Variants in PAAF1 observed in about 807,000 individuals in gnomAD.
The protein encoded by PAAF1 is proteasomal ATPase-associated factor 1.
A neutral mutation model predicts 52.8 loss-of-function variants in PAAF1; 46 were observed. The observed-to-expected ratio is 0.87, with a 90% confidence interval of 0.69 to 1.11. The LOEUF (loss-of-function observed/expected upper bound fraction) is 1.11. Among genes scored for constraint, PAAF1 ranks in the 50% most tolerant of loss-of-function variants. PAAF1 has a pLI of 0.00. For synonymous variants in PAAF1, 178 were observed against 172.8 expected (o/e 1.03, Z -0.24); for missense variants, 424 against 477.4 (o/e 0.89, Z 1.04).
chr11:73,883,788 T>C (rs1295291952), intron 2 of PAAF1, among the ~76,000 whole-genome samples: 1 of 152,220 alleles, frequency 6.6e-6, no homozygotes, highest in Non-Finnish European at 1.5e-5. Context: ...CCCAAAGTGC[T>C]GGGATTACAG....
chr11:73,899,865 G>C (rs142619497), intron 5 of PAAF1, among the ~76,000 whole-genome samples: 4 of 152,282 alleles, frequency 2.6e-5, no homozygotes, highest in African/African-American at 9.6e-5. Context: ...AGACAGAATA[G>C]CTTGGCTGTT....
At chr11:73,900,455 A>G (rs201243167) in intron 6 of PAAF1, 35 bp downstream of exon 6, 51 of 1,513,800 alleles carry the variant, frequency 3.4e-5, no homozygotes, top group Admixed American at 2.2e-4. Context: ...GGCTTCTCTA[A>G]TGATCCCCAG....
chr11:73,904,281 A>G (rs1949700672), intron 6 of PAAF1, among the ~76,000 whole-genome samples: 2 of 152,132 alleles, frequency 1.3e-5, no homozygotes. Flanking sequence ...TATGAGTTCA[A>G]TAAGTAATTC....
intron 10 of PAAF1, among the ~76,000 whole-genome samples, chr11:73,923,792 C>G (rs552796200): frequency 6.6e-6 from 1 of 152,204 alleles, no homozygotes; most frequent in African/African-American, 2.4e-5. Flanking sequence ...TCATTTGTTT[C>G]ATTTGTCCAT....
At chr11:73,882,998 C>A (rs1055952154) in intron 2 of PAAF1, among the ~76,000 whole-genome samples, 3 of 152,106 alleles carry the variant, frequency 2.0e-5, no homozygotes, top group African/African-American at 7.2e-5. Context: ...CTCCTGGGTT[C>A]AAGAGATCCT....
chr11:73,923,456 TA>T (rs1166701109), intron 10 of PAAF1, among the ~76,000 whole-genome samples: 4 of 152,146 alleles, frequency 2.6e-5, no homozygotes, highest in African/African-American at 7.2e-5. Flanking sequence ...AATGGTAGAT[TA>T]GGGGTGATTT....
intron 10 of PAAF1, 78 bp from the exon 11 acceptor site, chr11:73,924,537 A>T (rs567410031): frequency 8.3e-7 from 1 of 1,206,034 alleles, no homozygotes; most frequent in South Asian, 1.3e-5. Context: ...GATCTACAGA[A>T]GCAAATAAAA....
intron 5 of PAAF1, among the ~76,000 whole-genome samples, chr11:73,899,829 T>C (rs1233751980): frequency 3.3e-5 from 5 of 152,174 alleles, no homozygotes; most frequent in African/African-American, 1.2e-4. Flanking sequence ...CCTTGTTTTT[T>C]AATTGCCTTC....
At chr11:73,910,989 CAAAAAAAAAAAAA>C (rs59523527) in intron 7 of PAAF1, among the ~76,000 whole-genome samples, 1 of 69,486 alleles carries the variant, frequency 1.4e-5, no homozygotes, top group Non-Finnish European at 3.0e-5. Context: ...GACTCTGTCT[CAAAAAAAAAAAAA>C]AAAAAAAAAG....
At chr11:73,884,488 C>T (rs1356999041) in intron 2 of PAAF1, among the ~76,000 whole-genome samples, 1 of 152,122 alleles carries the variant, frequency 6.6e-6, no homozygotes, top group Admixed American at 6.6e-5. Context: ...GAGCGAGACC[C>T]TGTCTCAAAT....
intron 6 of PAAF1, among the ~76,000 whole-genome samples, chr11:73,908,293 ATG>A (rs1272371392): frequency 1.6e-4 from 22 of 139,704 alleles, no homozygotes; most frequent in African/African-American, 5.3e-4. Flanking sequence ...ATGTATATAT[ATG>A]TGTGTATATA....
At chr11:73,897,028 G>T (rs1228993539) in intron 4 of PAAF1, among the ~76,000 whole-genome samples, 3 of 135,696 alleles carry the variant, frequency 2.2e-5, no homozygotes, top group African/African-American at 5.6e-5. Flanking sequence ...GGGCAGAGGG[G>T]CTCCTCACTT....
At chr11:73,909,378 G>A (rs1245344253) in intron 6 of PAAF1, 21 bp from the exon 7 acceptor site, 2 of 1,611,968 alleles carry the variant, frequency 1.2e-6, no homozygotes, top group Non-Finnish European at 1.7e-6. Flanking sequence ...TCCATCTTAG[G>A]GAGTTTTTTT....
In PAAF1 at chr11:73,909,564, T is replaced by C; in HGVS notation, c.698T>C (p.Ile233Thr). Residue 233 changes from isoleucine (I) to threonine (T), a missense_variant, in exon 7 of 12, where the codon ATA (isoleucine) becomes ACA (threonine). Physicochemically the swap from Ile to Thr is moderately conservative, Grantham distance 89. Transcript: ENST00000310571. ...GVAVGAADNS[I>T]NLGSPEQMPS... The stretch of plus-strand genomic sequence containing the variant: ...GCGGTGGGTGCTGCTGACAACTCCA[T>C]AAACCTTGGCTCCCCTGAGCAGATG... 3.1e-6 allele frequency: 5 copies of C among 1,614,202 alleles called. No individual in the cohort carries two copies. Among genetic ancestry groups the C allele is most frequent in the Non-Finnish European group, 4.2e-6 (5 of 1,180,030 alleles).
At chr11:73,907,056 T>C (rs1051511013) in intron 6 of PAAF1, among the ~76,000 whole-genome samples, 2 of 152,110 alleles carry the variant, frequency 1.3e-5, no homozygotes, top group African/African-American at 4.8e-5. Context: ...TTTTTCCAGA[T>C]ATATTCTGTT....
At chr11:73,881,142 CTG>C (rs1436237834) in intron 2 of PAAF1, among the ~76,000 whole-genome samples, 1 of 152,158 alleles carries the variant, frequency 6.6e-6, no homozygotes, top group Admixed American at 6.5e-5. Context: ...TTGTAATAAA[CTG>C]TAACCAAAAG....
In PAAF1 at chr11:73,930,773, A is replaced by ATATATG. The variant is rs1325780530; in HGVS notation, c.*3417_*3422dup. 6.7e-6 allele frequency: 1 copy of ATATATG among 149,330 alleles called. No individual in the cohort carries two copies. Among genetic ancestry groups the ATATATG allele is most frequent in the Non-Finnish European group, 1.5e-5 (1 of 67,460 alleles). 9.3% of individuals were successfully genotyped at this position (149,330 alleles called of 1,614,324 possible). On this transcript the variant is annotated 3_prime_UTR_variant, in exon 12 of 12. Coordinates refer to ENST00000310571, the MANE Select transcript of PAAF1 (RefSeq NM_025155.3). The stretch of plus-strand genomic sequence containing the variant: ...AAAAAGAAAAAAAAAATATGTATAT[A>ATATATG]TATATGTATATATATATATTTATAT...
chr11:73,893,662 G>A (rs1024364933), intron 4 of PAAF1, among the ~76,000 whole-genome samples: 3 of 150,578 alleles, frequency 2.0e-5, no homozygotes, highest in Non-Finnish European at 3.0e-5. Flanking sequence ...GCTTGAACGC[G>A]GGAGGCAGAG....
At chr11:73,914,593 C>T in intron 8 of PAAF1, 89 bp downstream of exon 8, 1 of 1,056,314 alleles carries the variant, frequency 9.5e-7, no homozygotes, top group South Asian at 1.4e-5. Context: ...TTTCTACTTG[C>T]TCCCTGTGTT....
Sources: allele counts gnomAD v4.1 joint callset (sites outside exome capture counted in the v4.1 genomes callset), GRCh38; gene constraint gnomAD v4.1.1; transcripts MANE v1.5; gene names NCBI Gene and HGNC (gene_info 2026-07-23, HGNC 2026-07-21).